The following ELAPOR2 variants were observed in gnomAD, a reference collection of about 807,000 sequenced individuals.
ELAPOR2 encodes the protein endosome-lysosome associated apoptosis and autophagy regulator family member 2, also known as endosome/lysosome-associated apoptosis and autophagy regulator family member 2.
In ELAPOR2, 89 loss-of-function variants were observed where a neutral mutation model predicts 120.7. That is an observed-to-expected ratio of 0.74 (90% CI 0.62 to 0.88). ELAPOR2 has a LOEUF of 0.88. ELAPOR2 is among the 40% of genes least tolerant of loss of function. The pLI is 0.00. For missense variants in ELAPOR2, 1,134 were observed against 1,251.6 expected, an observed-to-expected ratio of 0.91 and a Z score of 1.42; for synonymous variants, 444 against 444.9, an observed-to-expected ratio of 1.00 and a Z score of 0.03.
intron 1 of ELAPOR2, among the ~76,000 whole-genome samples, chr7:86,969,577 T>A (rs1401775609): frequency 1.3e-5 from 2 of 152,058 alleles, no homozygotes; most frequent in African/African-American, 2.4e-5. Flanking sequence ...TAAAACATAG[T>A]CCCTGTACTC....
chr7:86,979,876 T>C (rs564959346), intron 1 of ELAPOR2, among the ~76,000 whole-genome samples: 2 of 152,340 alleles, frequency 1.3e-5, no homozygotes, highest in Non-Finnish European at 2.9e-5. Flanking sequence ...TTTCTGTTTC[T>C]GGTTGGGCCA....
In ELAPOR2 at chr7:86,938,122, G is replaced by T; in HGVS notation, c.1089+4C>A. The T allele has an allele frequency of 6.5e-7, 1 of 1,548,302 alleles. No homozygotes were observed. Among genetic ancestry groups the T allele is most frequent in the Non-Finnish European group, 8.7e-7 (1 of 1,144,172 alleles). On this transcript the variant is annotated splice_donor_region_variant and intron_variant, in intron 8 of 21. Transcript: ENST00000450689. Reference sequence around the variant, plus strand: ...GGATGGAGTTGATGCAACACTGCTGGTACCTTTCCTTCTTCATCACATGGA... The same window carrying T: ...GGATGGAGTTGATGCAACACTGCTGTTACCTTTCCTTCTTCATCACATGGA...
chr7:86,922,143 C>T (rs1260617258), intron 10 of ELAPOR2, among the ~76,000 whole-genome samples: 4 of 151,900 alleles, frequency 2.6e-5, no homozygotes, highest in Non-Finnish European at 5.9e-5. Context: ...TATCCTTTCT[C>T]AAGCATAAAA....
At chr7:86,965,273 C>T (rs1463297088) in intron 1 of ELAPOR2, among the ~76,000 whole-genome samples, 1 of 152,246 alleles carries the variant, frequency 6.6e-6, no homozygotes, top group Middle Eastern at 3.4e-3. Context: ...ATCCTTTCAT[C>T]TCACCCATCC....
At position 86,909,947 on chromosome 7, in the gene ELAPOR2, T is replaced by C. The variant is rs760252001; in HGVS notation, c.2224A>G (p.Ile742Val). 6.2e-6 allele frequency: 10 copies of C among 1,613,218 alleles called. 1 individual carries two copies. The South Asian group carries it at 1.1e-4, about 18-fold the overall frequency. ...GTGTAATCATCTGACCCTGCCACTA[T>C]TTCTTTTACTGTAAAGTCTGTTATA... ...NNITDFTVKE[I>V]VAGSDDYTNL... Residue 742 changes from isoleucine to valine, a missense_variant, in exon 16 of 22, where the codon ATA becomes GTA. Physicochemically the swap from Ile to Val is conservative, Grantham distance 29. This residue lies in a region of ELAPOR2 where 831 missense variants were observed against 867.6 expected (regional missense o/e 0.96). Coordinates refer to ENST00000450689, the MANE Select transcript of ELAPOR2 (RefSeq NM_001142749.3).
At chr7:86,973,970 T>A (rs1404298506) in intron 1 of ELAPOR2, among the ~76,000 whole-genome samples, 1 of 151,984 alleles carries the variant, frequency 6.6e-6, no homozygotes, top group Non-Finnish European at 1.5e-5. Flanking sequence ...AATTTAAAAT[T>A]TCTTAGAAGG....
chr7:86,902,647 G>A (rs889421071), intron 18 of ELAPOR2, among the ~76,000 whole-genome samples: 1 of 152,116 alleles, frequency 6.6e-6, no homozygotes, highest in Non-Finnish European at 1.5e-5. Context: ...AGTAAAAAGG[G>A]CTCCACAGAA....
At chr7:87,051,147 A>G (rs970155243) in intron 1 of ELAPOR2, among the ~76,000 whole-genome samples, 1 of 152,162 alleles carries the variant, frequency 6.6e-6, no homozygotes, top group African/African-American at 2.4e-5. Context: ...CATCACTAGG[A>G]GTGTAAGGAT....
chr7:87,022,948 G>T (rs76618598), intron 1 of ELAPOR2, among the ~76,000 whole-genome samples: 32,148 of 151,448 alleles, frequency 0.21, 3,614 homozygotes, highest in African/African-American at 0.26. Context: ...TAAATTTGTT[G>T]GAGTTCATTG....
At chr7:87,024,438 T>G (rs1794173674) in intron 1 of ELAPOR2, among the ~76,000 whole-genome samples, 1 of 152,162 alleles carries the variant, frequency 6.6e-6, no homozygotes, top group South Asian at 2.1e-4. Flanking sequence ...TGGATAAGCT[T>G]TTTGATGTCC....
chr7:87,000,033 C>T (rs1008344461), intron 1 of ELAPOR2, among the ~76,000 whole-genome samples: 5 of 152,108 alleles, frequency 3.3e-5, no homozygotes, highest in African/African-American at 9.7e-5. Context: ...CCTCACAGAA[C>T]ACACCTTACT....
chr7:87,051,213 T>C (rs1438223998), intron 1 of ELAPOR2, among the ~76,000 whole-genome samples: 1 of 152,182 alleles, frequency 6.6e-6, no homozygotes, highest in Admixed American at 6.5e-5. Flanking sequence ...AATGTCAAGA[T>C]GTCAGGAGAA....
At chr7:86,891,568 A>G in intron 21 of ELAPOR2, 156 bp downstream of exon 21, 1 of 569,114 alleles carries the variant, frequency 1.8e-6, no homozygotes, top group Non-Finnish European at 3.0e-6. Context: ...ATATTATTGT[A>G]TCTATATCAT....
At chr7:86,928,447 T>C (rs1392828175) in intron 8 of ELAPOR2, among the ~76,000 whole-genome samples, 5 of 152,000 alleles carry the variant, frequency 3.3e-5, no homozygotes, top group Non-Finnish European at 7.4e-5. Flanking sequence ...TACAAATGGA[T>C]TGCGTTATGT....
chr7:86,980,013 A>G lies in ELAPOR2; in HGVS notation c.190-14989T>C, dbSNP rs1303664990. Among the ~76,000 whole-genome samples, 3 of 152,242 alleles carry G rather than the reference A, an allele frequency of 2.0e-5. No individual in the cohort carries two copies. In the East Asian group the frequency reaches 5.8e-4, roughly 29 times the overall value. The stretch of plus-strand genomic sequence containing the variant: ...ACAACAACAAAATAATGTGGGCTGG[A>G]CAAGCTTGCTAGATATTCCAGGCAA... On this transcript the variant is annotated intron_variant, in intron 1 of 21. Transcript: ENST00000450689.
chr7:86,955,575 G>A (rs1489445444), intron 2 of ELAPOR2, among the ~76,000 whole-genome samples: 1 of 152,106 alleles, frequency 6.6e-6, no homozygotes, highest in Non-Finnish European at 1.5e-5. Flanking sequence ...GAATATTCAT[G>A]AGCATTAAGA....
chr7:86,998,851 G>GCT (rs533633601), intron 1 of ELAPOR2, among the ~76,000 whole-genome samples: 1 of 146,494 alleles, frequency 6.8e-6, no homozygotes, highest in African/African-American at 2.5e-5. Flanking sequence ...ATAGTTCCTT[G>GCT]TTTTTTTTTT....
intron 21 of ELAPOR2, 23 bp from the exon 22 acceptor site, chr7:86,880,553 A>C (rs762806255): frequency 7.1e-7 from 1 of 1,415,776 alleles, no homozygotes; most frequent in South Asian, 1.2e-5. Flanking sequence ...ATTAAAGACA[A>C]AATCAACTCA....
At chr7:86,907,879 A>T in intron 17 of ELAPOR2, 108 bp from the exon 18 acceptor site, 2 of 533,776 alleles carry the variant, frequency 3.7e-6, no homozygotes, top group Non-Finnish European at 3.1e-6. Flanking sequence ...GAAAAAGAAA[A>T]ATGTATTAAA....
Sources: gnomAD v4.1 joint callset for allele counts (sites outside exome capture counted in the v4.1 genomes callset) on GRCh38, gnomAD v4.1.1 for gene constraint, gnomAD v4.1.1 regional missense constraint, MANE v1.5 for transcripts, NCBI Gene and HGNC (gene_info 2026-07-23, HGNC 2026-07-21) for gene names.